The following SNX9 variants were observed in gnomAD, a reference collection of about 807,000 sequenced individuals.
SNX9 encodes the protein sorting nexin 9.
SNX9 carries 44 observed loss-of-function variants against 89.4 expected under a neutral mutation model. That is an observed-to-expected ratio of 0.49 (90% confidence interval 0.39 to 0.63). SNX9 has a LOEUF of 0.63. SNX9 is among the 30% of genes least tolerant of loss of function. The pLI is 0.00. For synonymous variants in SNX9, 236 were observed against 247.8 expected (o/e 0.95, Z 0.45); for missense variants, 578 against 736.1 (o/e 0.79, Z 2.49).
At chr6:157,933,635 G>A (rs554956709) in intron 13 of SNX9, among the ~76,000 whole-genome samples, 1 of 152,322 alleles carries the variant, frequency 6.6e-6, no homozygotes, top group African/African-American at 2.4e-5. Flanking sequence ...ACAAGTGGGT[G>A]ATGGAAGAGC....
intron 9 of SNX9, among the ~76,000 whole-genome samples, chr6:157,918,203 G>A (rs1256446388): frequency 6.6e-6 from 1 of 152,040 alleles, no homozygotes; most frequent in Non-Finnish European, 1.5e-5. Context: ...TGAGTATCGG[G>A]TATTGAAATT....
Position 157,823,260 on chromosome 6 carries a change from G to A in SNX9, c.-175G>A, listed in dbSNP as rs980132621. The A allele has an allele frequency of 1.2e-5, 4 of 334,552 alleles. No individual in the cohort carries two copies. Among genetic ancestry groups the A allele is most frequent in the African/African-American group, 6.7e-5 (3 of 44,974 alleles). The allele number at this position is 334,552 out of a possible 1,614,324, so 20.7% of individuals were successfully genotyped here. A position where few individuals can be genotyped will look rare whatever the true frequency, so the allele number is the denominator to read the frequency against. ...GCGTGCGGCGCGGGAGTAGCCGAGC[G>A]CCCAGCGGCTGGGCCTGAGCGTCGA... On this transcript the variant is annotated 5_prime_UTR_variant, in exon 1 of 18. Coordinates refer to ENST00000392185, the MANE Select transcript of SNX9 (RefSeq NM_016224.5). The surrounding 1 kb of genome is among the most constrained non-coding windows in gnomAD (Gnocchi z 4.6).
intron 9 of SNX9, among the ~76,000 whole-genome samples, chr6:157,915,407 T>A (rs998269874): frequency 1.3e-5 from 2 of 151,920 alleles, no homozygotes; most frequent in Admixed American, 1.3e-4. Context: ...TTAATCCATA[T>A]ATAAAAATAT....
chr6:157,941,101 T>C, intron 17 of SNX9, 127 bp downstream of exon 17: 6 of 787,680 alleles, frequency 7.6e-6, no homozygotes, highest in Non-Finnish European at 1.2e-5. Context: ...GGAGCCTAAA[T>C]TTTGGACAGG....
chr6:157,874,911 A>G, intron 3 of SNX9, 140 bp from the exon 4 acceptor site: 2 of 821,406 alleles, frequency 2.4e-6, no homozygotes, highest in South Asian at 5.2e-5. Flanking sequence ...AAATATGAGT[A>G]TGCGGCAAAA....
chr6:157,923,683 T>C (rs1330066997), intron 10 of SNX9, among the ~76,000 whole-genome samples: 1 of 152,218 alleles, frequency 6.6e-6, no homozygotes, highest in African/African-American at 2.4e-5. Flanking sequence ...GAGGACTTTA[T>C]TGCGTATCAG....
In SNX9 at chr6:157,927,604, C is replaced by T. The variant is rs911436410; in HGVS notation, c.1184+390C>T. 3.3e-5 allele frequency among the ~76,000 whole-genome samples: 5 copies of T among 150,984 alleles called. No individual in the cohort carries two copies. In the East Asian group the frequency reaches 7.8e-4, roughly 24 times the overall value. On this transcript the variant is annotated intron_variant, in intron 11 of 17. Coordinates refer to ENST00000392185, the MANE Select transcript of SNX9 (RefSeq NM_016224.5). The stretch of plus-strand genomic sequence containing the variant: ...TGCTTTTTCTGTATGCTTTTTTAAT[C>T]TGTTGATTGATTTTAATCATGTAGT...
In SNX9 at chr6:157,901,784, CAA is replaced by C. The variant is rs376566757; in HGVS notation, c.473-106_473-105del. The C allele has an allele frequency of 2.4e-5, 29 of 1,230,322 alleles. No individual in the cohort carries two copies. The Admixed American group carries it at 7.1e-4, about 30-fold the overall frequency. The allele number at this position is 1,230,322 out of a possible 1,614,324, so 76.2% of individuals were successfully genotyped here. On this transcript the variant is annotated intron_variant, in intron 5 of 17. Coordinates refer to ENST00000392185, the MANE Select transcript of SNX9 (RefSeq NM_016224.5). ...TCCTATACTATACCCTTTTCTCCAT[CAA>C]AAAAAAATTGATTTGCCCAGTAGGT...
Position 157,857,959 on chromosome 6 carries a change from T to A in SNX9, c.13-9588T>A, listed in dbSNP as rs553444356. On this transcript the variant is annotated intron_variant, in intron 1 of 17. Transcript: ENST00000392185. ...CTGACAATGCGTGGTTCTTGTGGTC[T>A]GGAGAGCCCATCTGAGGCTGGATAG... Among the ~76,000 whole-genome samples the A allele has an allele frequency of 1.6e-4, 24 of 152,320 alleles. No individual in the cohort carries two copies. In the East Asian group the frequency reaches 2.7e-3, roughly 17 times the overall value.
At chr6:157,901,748 C>G (rs950503372) in intron 5 of SNX9, 150 bp from the exon 6 acceptor site, 64 of 764,490 alleles carry the variant, frequency 8.4e-5, no homozygotes, top group Admixed American at 3.2e-5. Flanking sequence ...CTCTTAACAT[C>G]CATATTATAC....
intron 2 of SNX9, among the ~76,000 whole-genome samples, chr6:157,869,761 C>T (rs1782350761): frequency 6.6e-6 from 1 of 152,122 alleles, no homozygotes; most frequent in Non-Finnish European, 1.5e-5. Context: ...CCCATCAGAC[C>T]TCGCCAGCCT....
At chr6:157,857,157 T>G (rs1782029531) in intron 1 of SNX9, among the ~76,000 whole-genome samples, 1 of 152,240 alleles carries the variant, frequency 6.6e-6, no homozygotes, top group Admixed American at 6.5e-5. Flanking sequence ...AATTTAATGT[T>G]TCAGTCCATT....
At chr6:157,898,632 G>C (rs1427294152) in intron 5 of SNX9, among the ~76,000 whole-genome samples, 2 of 152,220 alleles carry the variant, frequency 1.3e-5, no homozygotes, top group African/African-American at 2.4e-5. Flanking sequence ...AGGCAGAAGA[G>C]AAATGTGTGG....
intron 6 of SNX9, 108 bp from the exon 7 acceptor site, chr6:157,906,020 A>C: frequency 2.4e-6 from 2 of 825,512 alleles, no homozygotes; most frequent in Non-Finnish European, 3.8e-6. Context: ...GTTCTAGTGC[A>C]CCCGAAAGAC....
intron 5 of SNX9, among the ~76,000 whole-genome samples, chr6:157,898,653 A>T (rs1462516064): frequency 6.6e-6 from 1 of 152,216 alleles, no homozygotes; most frequent in Non-Finnish European, 1.5e-5. Context: ...AATGGGAAAT[A>T]ATTTGGGAAT....
intron 4 of SNX9, among the ~76,000 whole-genome samples, chr6:157,889,410 G>A (rs1188645730): frequency 7.5e-6 from 1 of 134,174 alleles, no homozygotes; most frequent in African/African-American, 2.9e-5. Flanking sequence ...CAGCCTGGGT[G>A]ACAGAGCAAG....
chr6:157,870,080 C>G (rs924275771), intron 2 of SNX9, among the ~76,000 whole-genome samples: 3 of 148,254 alleles, frequency 2.0e-5, no homozygotes, highest in Non-Finnish European at 4.5e-5. Context: ...CCTCTTCACT[C>G]TCACTTGCCC....
At chr6:157,890,912 A>G (rs189905582) in intron 4 of SNX9, among the ~76,000 whole-genome samples, 35 of 150,616 alleles carry the variant, frequency 2.3e-4, no homozygotes, top group Middle Eastern at 3.5e-3. Flanking sequence ...TTTCTCTCAT[A>G]TTTGCCCATT....
At chr6:157,904,498 T>G (rs1470970527) in intron 6 of SNX9, among the ~76,000 whole-genome samples, 1 of 152,040 alleles carries the variant, frequency 6.6e-6, no homozygotes, top group Non-Finnish European at 1.5e-5. Flanking sequence ...CTCAAATTTT[T>G]CTGTGGTCCA....
Sources: allele counts gnomAD v4.1 joint callset (sites outside exome capture counted in the v4.1 genomes callset), GRCh38; gene constraint gnomAD v4.1.1; non-coding constraint Gnocchi (gnomAD v3.1); transcripts MANE v1.5; gene names NCBI Gene and HGNC (gene_info 2026-07-23, HGNC 2026-07-21).